Variants in WDPCP observed in about 807,000 individuals in gnomAD.
WDPCP encodes the protein WD repeat-containing and planar cell polarity effector protein fritz homolog.
WDPCP carries 71 observed loss-of-function variants against 93.1 expected under a neutral mutation model. That is an observed-to-expected ratio of 0.76 (90% CI 0.63 to 0.93). The LOEUF (loss-of-function observed/expected upper bound fraction) is 0.93. Among genes scored for constraint, WDPCP ranks in the 40% least tolerant of loss-of-function variants. WDPCP has a pLI of 0.00. For synonymous variants in WDPCP, 315 were observed against 315.0 expected (o/e 1.00, Z 0.00); for missense variants, 844 against 887.4 (o/e 0.95, Z 0.62).
chr2:63,699,813 T>A (rs1359606599), intron 2 of WDPCP, among the ~76,000 whole-genome samples: 2 of 152,090 alleles, frequency 1.3e-5, no homozygotes, highest in Non-Finnish European at 2.9e-5. Context: ...AAAGGTCTTT[T>A]AAAAAAATGT....
At chr2:63,700,743 G>A (rs1329247261) in intron 2 of WDPCP, among the ~76,000 whole-genome samples, 2 of 152,164 alleles carry the variant, frequency 1.3e-5, no homozygotes, top group African/African-American at 2.4e-5. Flanking sequence ...TCATTTCAAC[G>A]CAGACACCAA....
chr2:63,148,364 G>C (rs764576217), intron 17 of WDPCP, among the ~76,000 whole-genome samples: 11 of 152,092 alleles, frequency 7.2e-5, no homozygotes, highest in Non-Finnish European at 1.3e-4. Context: ...TTTTGAGACA[G>C]AGTCTCATTC....
chr2:63,789,963 T>C (rs1670523996), intron 2 of WDPCP, among the ~76,000 whole-genome samples: 1 of 152,238 alleles, frequency 6.6e-6, no homozygotes, highest in African/African-American at 2.4e-5. Context: ...TTGTGAATTG[T>C]GATATTGTTA....
At chr2:63,177,895 T>C (rs1396868975) in intron 14 of WDPCP, among the ~76,000 whole-genome samples, 1 of 152,156 alleles carries the variant, frequency 6.6e-6, no homozygotes, top group Non-Finnish European at 1.5e-5. Context: ...ATTAATAGTT[T>C]CCTTACATCC....
intron 2 of WDPCP, among the ~76,000 whole-genome samples, chr2:63,689,835 G>A (rs761094607): frequency 2.6e-5 from 4 of 152,110 alleles, no homozygotes; most frequent in Non-Finnish European, 5.9e-5. Flanking sequence ...GAAACTTCCA[G>A]GGCCTATTCA....
At chr2:63,756,800 C>T (rs889354844) in intron 2 of WDPCP, among the ~76,000 whole-genome samples, 1 of 152,120 alleles carries the variant, frequency 6.6e-6, no homozygotes, top group Non-Finnish European at 1.5e-5. Context: ...GTTTATTGGT[C>T]CTTTAATCCT....
intron 15 of WDPCP, among the ~76,000 whole-genome samples, chr2:63,171,378 A>G (rs1353769889): frequency 6.6e-6 from 1 of 152,222 alleles, no homozygotes; most frequent in Non-Finnish European, 1.5e-5. Flanking sequence ...AAGAATGGAC[A>G]ACAAATTTGA....
intron 1 of WDPCP, among the ~76,000 whole-genome samples, chr2:63,550,931 T>G (rs1705587492): frequency 6.6e-6 from 1 of 152,122 alleles, no homozygotes. Context: ...ACCTGTCTAT[T>G]TTCCTGTGAT....
intron 2 of WDPCP, among the ~76,000 whole-genome samples, chr2:63,690,806 G>A (rs999646164): frequency 7.2e-5 from 11 of 152,114 alleles, no homozygotes; most frequent in Non-Finnish European, 2.9e-5. Flanking sequence ...AGATTGCTCC[G>A]AGGTAATAAT....
intron 14 of WDPCP, among the ~76,000 whole-genome samples, chr2:63,206,780 C>T (rs1676369329): frequency 6.6e-6 from 1 of 151,990 alleles, no homozygotes; most frequent in African/African-American, 2.4e-5. Flanking sequence ...TCACTTTAAC[C>T]ATCATTTAGT....
chr2:63,623,770 C>G (rs1709776434), intron 3 of WDPCP, among the ~76,000 whole-genome samples: 1 of 152,158 alleles, frequency 6.6e-6, no homozygotes, highest in Non-Finnish European at 1.5e-5. Flanking sequence ...CAATATCAGA[C>G]AGATCAACAA....
chr2:63,330,972 G>A (rs1173237526), intron 12 of WDPCP, among the ~76,000 whole-genome samples: 2 of 150,424 alleles, frequency 1.3e-5, no homozygotes, highest in African/African-American at 4.9e-5. Flanking sequence ...CCAGGTTCAA[G>A]GATCCTCCCA....
intron 1 of WDPCP, among the ~76,000 whole-genome samples, chr2:63,827,184 T>C (rs1292034316): frequency 6.6e-6 from 1 of 151,556 alleles, no homozygotes; most frequent in African/African-American, 2.4e-5. Context: ...TTATTTTCTA[T>C]TATACAATCC....
chr2:63,713,876 C>G (rs566984150), intron 2 of WDPCP, among the ~76,000 whole-genome samples: 2 of 152,242 alleles, frequency 1.3e-5, no homozygotes, highest in South Asian at 4.1e-4. Context: ...AGAGAAACAA[C>G]ATGGCAAAAA....
chr2:63,270,936 C>G (rs182847300), intron 13 of WDPCP, among the ~76,000 whole-genome samples: 12 of 152,314 alleles, frequency 7.9e-5, no homozygotes, highest in African/African-American at 9.6e-5. Flanking sequence ...AGCCCAGTCA[C>G]AAGAAATGAT....
At chr2:63,808,456 C>A (rs534144618) in intron 2 of WDPCP, among the ~76,000 whole-genome samples, 93 of 152,072 alleles carry the variant, frequency 6.1e-4, no homozygotes, top group African/African-American at 2.1e-3. Context: ...ATTCTCCTGC[C>A]TCAGCCTGCC....
intron 1 of WDPCP, among the ~76,000 whole-genome samples, chr2:63,563,086 A>C (rs1273362787): frequency 6.6e-6 from 1 of 152,156 alleles, no homozygotes. Context: ...CATACAGCCC[A>C]CTGCTGGTGC....
At chr2:63,442,623 A>G (rs1459845598) in intron 6 of WDPCP, 1 of 152,216 alleles carries the variant, frequency 6.6e-6, no homozygotes. Context: ...CAGGTGAGTT[A>G]CAATTAGTAA....
chr2:63,598,526 T>C (rs543115811), intron 3 of WDPCP, among the ~76,000 whole-genome samples: 1 of 152,300 alleles, frequency 6.6e-6, no homozygotes, highest in East Asian at 1.9e-4. Flanking sequence ...TTCCATATAC[T>C]TTCCTATCTT....
Sources: gnomAD v4.1 joint callset for allele counts (sites outside exome capture counted in the v4.1 genomes callset) on GRCh38, gnomAD v4.1.1 for gene constraint, MANE v1.5 for transcripts, NCBI Gene and HGNC (gene_info 2026-07-23, HGNC 2026-07-21) for gene names.